Variants in CYP1A2 observed in about 807,000 individuals in gnomAD.
The protein encoded by CYP1A2 is cytochrome P450 family 1 subfamily A member 2.
In CYP1A2, 35 loss-of-function variants were observed where a neutral mutation model predicts 34.7. The ratio of observed to expected loss-of-function variants is 1.01; its 90% CI spans 0.77 to 1.34. The LOEUF is 1.34. CYP1A2 is among the 40% of genes most tolerant of loss of function. The pLI is 0.00. For synonymous variants in CYP1A2, 288 were observed against 281.9 expected (o/e 1.02, Z -0.22); for missense variants, 675 against 675.8 (o/e 1.00, Z 0.01).
In CYP1A2 at chr15:74,755,212, C is replaced by A. The variant is rs886822284; in HGVS notation, c.*124C>A. 29 of 1,142,638 alleles carry A rather than the reference C, an allele frequency of 2.5e-5. No homozygotes were observed. The highest frequency in any genetic ancestry group is 2.9e-5 in the Non-Finnish European group (24 of 829,266). The allele number at this position is 1,142,638 out of a possible 1,614,324, so 70.8% of individuals were successfully genotyped here. ...TTTAGCCAAGTGCAGGGCCTGTAAT[C>A]CCAGCATTTTAGGAGGCCAAGGTTG... On this transcript the variant is annotated 3_prime_UTR_variant, in exon 7 of 7. Coordinates refer to ENST00000343932, the MANE Select transcript of CYP1A2 (RefSeq NM_000761.5).
chr15:74,751,316 A>G lies in CYP1A2; in HGVS notation c.952+7A>G. 1 of 1,613,924 alleles carries G rather than the reference A, an allele frequency of 6.2e-7. No individual in the cohort carries two copies. The highest frequency in any genetic ancestry group is 8.5e-7 in the Non-Finnish European group (1 of 1,179,896). On this transcript the variant is annotated splice_region_variant and intron_variant, in intron 3 of 6. Transcript: ENST00000343932. Reference sequence around the variant, plus strand: ...AATGACATCTTTGGAGCAGGTAGGAACCAGAACCTTGCCCCTCCATCCAAC... The same window carrying G: ...AATGACATCTTTGGAGCAGGTAGGAGCCAGAACCTTGCCCCTCCATCCAAC...
In CYP1A2 at chr15:74,750,212, C is replaced by T; in HGVS notation, c.474C>T (p.Ser158=). The change falls in exon 2 of 7, where the codon TCC becomes TCT. Residue 158 remains serine (S), a synonymous_variant. Transcript: ENST00000343932. The part of the protein sequence containing the change: ...SIASDPASSS[S]CYLEEHVSKE... ...CCTCTGACCCAGCTTCCTCATCCTC[C>T]TGCTACCTGGAGGAGCATGTGAGCA... 2.5e-6 allele frequency: 4 copies of T among 1,614,232 alleles called. No individual in the cohort carries two copies. Among genetic ancestry groups the T allele is most frequent in the Non-Finnish European group, 3.4e-6 (4 of 1,180,040 alleles).
Position 74,755,098 on chromosome 15 carries a change from C to A in CYP1A2, c.*10C>A, listed in dbSNP as rs752887393. On this transcript the variant is annotated 3_prime_UTR_variant, in exon 7 of 7. Coordinates refer to ENST00000343932, the MANE Select transcript of CYP1A2 (RefSeq NM_000761.5). ...CTTCTCCATCAATTGAAGAAGACAC[C>A]ACCATTCTGAGGCCAGGGAGCGAGT... 1.3e-5 allele frequency: 21 copies of A among 1,595,864 alleles called. No homozygotes were observed. Among genetic ancestry groups the A allele is most frequent in the Non-Finnish European group, 1.8e-5 (21 of 1,169,500 alleles).
intron 5 of CYP1A2, 90 bp from the exon 6 acceptor site, chr15:74,753,093 TG>T: frequency 1.1e-6 from 1 of 920,658 alleles, no homozygotes; most frequent in Non-Finnish European, 1.7e-6. Context: ...GAGATGGCGG[TG>T]GGCAGGCTGT....
rs59410695 is a variant in CYP1A2, at chr15:74,750,151, G to A, written c.413G>A (p.Arg138His). The A allele has an allele frequency of 6.7e-4, 1,077 of 1,613,896 alleles. 8 individuals are homozygous for A. Among genetic ancestry groups the A allele is most frequent in the Non-Finnish European group, 2.3e-4 (274 of 1,180,040 alleles). Residue 138 changes from arginine (R) to histidine (H), a missense_variant, in exon 2 of 7, where the codon CGC becomes CAC. Physicochemically the swap from Arg to His is conservative, Grantham distance 29. Coordinates refer to ENST00000343932, the MANE Select transcript of CYP1A2 (RefSeq NM_000761.5). Reference protein sequence around the residue: ...DSGPVWAARRRLAQNALNTFS... With the variant: ...DSGPVWAARRHLAQNALNTFS... ...GGACCGGTGTGGGCTGCCCGCCGGC[G>A]CCTGGCCCAGAATGCCCTCAACACC...
At chr15:74,754,527 A>G (rs2063329427) in intron 6 of CYP1A2, among the ~76,000 whole-genome samples, 1 of 149,300 alleles carries the variant, frequency 6.7e-6, no homozygotes, top group African/African-American at 2.5e-5. Context: ...TGAGCTGGGG[A>G]GGCAGAGAGA....
intron 5 of CYP1A2, 33 bp from the exon 6 acceptor site, chr15:74,753,151 C>T (rs1027454005): frequency 1.9e-6 from 3 of 1,590,156 alleles, no homozygotes; most frequent in African/African-American, 2.7e-5. Flanking sequence ...GCTTTCCAGC[C>T]CTGAGCCTCA....
intron 5 of CYP1A2, 51 bp from the exon 6 acceptor site, chr15:74,753,133 A>T: frequency 6.7e-7 from 1 of 1,485,202 alleles, no homozygotes; most frequent in Non-Finnish European, 9.4e-7. Flanking sequence ...GGAGCAACAC[A>T]TGCCCCAGCT....
intron 6 of CYP1A2, among the ~76,000 whole-genome samples, chr15:74,753,670 G>A (rs1359928610): frequency 1.3e-5 from 2 of 151,766 alleles, no homozygotes; most frequent in African/African-American, 4.8e-5. Context: ...GGAGGTAGAG[G>A]CTGCAGTGAG....
At chr15:74,754,704 G>A (rs2063330042) in intron 6 of CYP1A2, 87 bp from the exon 7 acceptor site, 14 of 1,363,736 alleles carry the variant, frequency 1.0e-5, no homozygotes, top group Non-Finnish European at 1.2e-5. Flanking sequence ...TCACACTTGT[G>A]TTCTCAACAG....
chr15:74,749,523 G>A (rs1228976041), intron 1 of CYP1A2, among the ~76,000 whole-genome samples: 2 of 152,156 alleles, frequency 1.3e-5, no homozygotes, highest in Non-Finnish European at 2.9e-5. Context: ...GAATCTTGAG[G>A]CTCCTTTCCA....
Position 74,755,257 on chromosome 15 carries a change from G to A in CYP1A2, c.*169G>A. The A allele has an allele frequency of 2.6e-6, 2 of 781,110 alleles. No homozygotes were observed. The highest frequency in any genetic ancestry group is 1.9e-6 in the Non-Finnish European group (1 of 516,552). The allele number at this position is 781,110 out of a possible 1,614,324, so 48.4% of individuals were successfully genotyped here. ...AGGTTGGAGGATCATTTGAGCCCAG[G>A]AATTGGAAAGCAGCCTGGCCAACAT... On this transcript the variant is annotated 3_prime_UTR_variant, in exon 7 of 7. Transcript: ENST00000343932.
At chr15:74,753,380 A>G (rs1341519403) in intron 6 of CYP1A2, 110 bp downstream of exon 6, 6 of 825,970 alleles carry the variant, frequency 7.3e-6, no homozygotes, top group African/African-American at 1.7e-5. Context: ...CTCAATTGCT[A>G]TAGTCTGCTC....
chr15:74,751,256 A>G lies in CYP1A2; in HGVS notation c.899A>G (p.Asn300Ser), dbSNP rs1222061640. The G allele has an allele frequency of 6.2e-7, 1 of 1,614,148 alleles. No homozygotes were observed. Among genetic ancestry groups the G allele is most frequent in the Admixed American group, 1.7e-5 (1 of 60,018 alleles). ...AAGAAGGGGCCTAGAGCCAGCGGCA[A>G]CCTCATCCCACAGGAGAAGATTGTC... Reference protein sequence around the residue: ...HSKKGPRASGNLIPQEKIVNL... With the variant: ...HSKKGPRASGSLIPQEKIVNL... The change falls in exon 3 of 7, where the codon AAC (asparagine) becomes AGC (serine). Residue 300 changes from asparagine (N) to serine (S), a missense_variant. Asn to Ser is a conservative substitution (Grantham distance 46, BLOSUM62 1). Transcript: ENST00000343932.
At chr15:74,754,205 G>C (rs1489737064) in intron 6 of CYP1A2, among the ~76,000 whole-genome samples, 1 of 152,074 alleles carries the variant, frequency 6.6e-6, no homozygotes, top group South Asian at 2.1e-4. Context: ...AACCCAGCCT[G>C]TTTTTCTTCT....
Position 74,754,881 on chromosome 15 carries a change from G to A in CYP1A2, c.1344G>A (p.Met448Ile), listed in dbSNP as rs752196823. 2.5e-6 allele frequency: 4 copies of A among 1,614,230 alleles called. No homozygotes were observed. The highest frequency in any genetic ancestry group is 2.2e-5 in the South Asian group (2 of 91,084). The stretch of plus-strand genomic sequence containing the variant: ...TTAACAAGCCCTTGAGTGAGAAGAT[G>A]ATGCTGTTTGGCATGGGCAAGCGCC... ...TAINKPLSEK[M>I]MLFGMGKRRC... Residue 448 changes from methionine (M) to isoleucine (I), a missense_variant, in exon 7 of 7, where the codon ATG becomes ATA. By Grantham distance (10) the Met-to-Ile change is conservative. Coordinates refer to ENST00000343932, the MANE Select transcript of CYP1A2 (RefSeq NM_000761.5).
Position 74,752,178 on chromosome 15 carries a change from C to T in CYP1A2, c.1097C>T (p.Pro366Leu). ...CGGCTCTCTGACAGACCCCAGCTGC[C>T]CTACTTGGAGGCCTTCATCCTGGAG... ...RPRLSDRPQL[P>L]YLEAFILETF... The change falls in exon 5 of 7, where the codon CCC becomes CTC. Residue 366 changes from proline to leucine, a missense_variant. By Grantham distance (98) the Pro-to-Leu change is moderately conservative. Transcript: ENST00000343932. The T allele has an allele frequency of 6.2e-7, 1 of 1,614,090 alleles. No individual in the cohort carries two copies. The highest frequency in any genetic ancestry group is 8.5e-7 in the Non-Finnish European group (1 of 1,179,998).
chr15:74,750,224 G>A lies in CYP1A2; in HGVS notation c.486G>A (p.Glu162=), dbSNP rs1247093059. The change falls in exon 2 of 7, where the codon GAG becomes GAA. Residue 162 remains glutamate, a synonymous_variant. Transcript: ENST00000343932. ...DPASSSSCYL[E]EHVSKEAKAL... is the part of the protein sequence containing the mutation. ...CTTCCTCATCCTCCTGCTACCTGGA[G>A]GAGCATGTGAGCAAGGAGGCTAAGG... 1 of 1,614,176 alleles carries A rather than the reference G, an allele frequency of 6.2e-7. No homozygotes were observed. Among genetic ancestry groups the A allele is most frequent in the South Asian group, 1.1e-5 (1 of 91,082 alleles).
At chr15:74,749,091 A>T (rs2063301891) in intron 1 of CYP1A2, among the ~76,000 whole-genome samples, 194 bp downstream of exon 1, 1 of 152,196 alleles carries the variant, frequency 6.6e-6, no homozygotes, top group Admixed American at 6.5e-5. Flanking sequence ...AAGGAGAGCG[A>T]TGGGGAGGGC....
Sources: allele counts gnomAD v4.1 joint callset (sites outside exome capture counted in the v4.1 genomes callset), GRCh38; gene constraint gnomAD v4.1.1; transcripts MANE v1.5; gene names NCBI Gene and HGNC (gene_info 2026-07-23, HGNC 2026-07-21).